The following CYP4F22 variants were observed in gnomAD, a reference collection of about 807,000 sequenced individuals.
The protein encoded by CYP4F22 is ultra-long-chain fatty acid omega-hydroxylase.
A neutral mutation model predicts 60.4 loss-of-function variants in CYP4F22; 37 were observed. The observed-to-expected ratio is 0.61, with a 90% CI of 0.47 to 0.81. The LOEUF (loss-of-function observed/expected upper bound fraction) is 0.81, where lower values mean the gene tolerates loss of function less well. Ranked by LOEUF, CYP4F22 falls within the 30% of genes least tolerant of loss-of-function variation. The probability of loss-of-function intolerance (pLI) is 0.00; values close to 1 mark genes in which losing one functional copy is unlikely to be tolerated. For synonymous variants in CYP4F22, 258 were observed against 280.5 expected, an observed-to-expected ratio of 0.92 and a Z score of 0.80; for missense variants, 655 against 715.0, an observed-to-expected ratio of 0.92 and a Z score of 0.96.
chr19:15,550,577 C>A (rs1971582992), intron 12 of CYP4F22, 97 bp from the exon 13 acceptor site: 1 of 1,236,608 alleles, frequency 8.1e-7, no homozygotes, highest in South Asian at 1.2e-5. Flanking sequence ...GGGTGCTCCC[C>A]ATCCATCTTT....
intron 4 of CYP4F22, among the ~76,000 whole-genome samples, chr19:15,530,297 G>A (rs901981750): frequency 3.9e-5 from 6 of 152,118 alleles, no homozygotes; most frequent in Admixed American, 1.3e-4. Context: ...CTTCTTCCTC[G>A]TGCAGTCCAC....
In CYP4F22 at chr19:15,535,249, T is replaced by C. The variant is rs1337652823; in HGVS notation, c.368-2112T>C. 2.6e-5 allele frequency among the ~76,000 whole-genome samples: 4 copies of C among 152,234 alleles called. No individual in the cohort carries two copies. In the East Asian group the frequency reaches 7.7e-4, roughly 29 times the overall value. On this transcript the variant is annotated intron_variant, in intron 4 of 13. Coordinates refer to ENST00000269703, the MANE Select transcript of CYP4F22 (RefSeq NM_173483.4). ...TCTTGGTAATTGCATGGTGTGTCTC[T>C]GCTTCCCTTTCCTGCCCCACTCAGG...
At chr19:15,522,468 A>G (rs1040613561) in intron 1 of CYP4F22, among the ~76,000 whole-genome samples, 7 of 152,012 alleles carry the variant, frequency 4.6e-5, no homozygotes, top group Admixed American at 4.6e-4. Context: ...TGAGCCTAGG[A>G]ATTTGAGATC....
At chr19:15,539,703 TACTC>T (rs1206170594) in intron 7 of CYP4F22, among the ~76,000 whole-genome samples, 1 of 152,236 alleles carries the variant, frequency 6.6e-6, no homozygotes, top group African/African-American at 2.4e-5. Context: ...TTTTTCCACA[TACTC>T]ACTAACACTT....
In CYP4F22 at chr19:15,550,699, C is replaced by T. The variant is rs980417941; in HGVS notation, c.1361C>T (p.Pro454Leu). Residue 454 changes from proline (P) to leucine (L), a missense_variant, in exon 13 of 14, where the codon CCG becomes CTG. Pro to Leu is a moderately conservative substitution (Grantham distance 98). This residue lies in a region of CYP4F22 where 151 missense variants were observed against 139.4 expected (regional missense o/e 1.08). Transcript: ENST00000269703. ...GTGTACAACCCCTACCGCTTTGACC[C>T]GGACAACCCACAGCAGCGCTCTCCA... ...SKVYNPYRFD[P>L]DNPQQRSPLA... The T allele has an allele frequency of 3.1e-6, 5 of 1,614,074 alleles. No individual in the cohort carries two copies. The highest frequency in any genetic ancestry group is 2.5e-6 in the Non-Finnish European group (3 of 1,180,050).
At chr19:15,517,055 A>G (rs1489386277) in intron 1 of CYP4F22, among the ~76,000 whole-genome samples, 7 of 152,120 alleles carry the variant, frequency 4.6e-5, no homozygotes, top group African/African-American at 1.7e-4. Flanking sequence ...TCCTGACCTC[A>G]GGCAATCCGC....
chr19:15,549,846 C>T (rs1480066179), intron 12 of CYP4F22, among the ~76,000 whole-genome samples: 4 of 151,328 alleles, frequency 2.6e-5, no homozygotes, highest in African/African-American at 9.7e-5. Flanking sequence ...TGCACATCTG[C>T]AGTGCCAGCC....
intron 8 of CYP4F22, among the ~76,000 whole-genome samples, chr19:15,543,757 T>C (rs1971489155): frequency 6.6e-6 from 1 of 150,844 alleles, no homozygotes; most frequent in Non-Finnish European, 1.5e-5. Context: ...TTCAGGAGGC[T>C]GAGGCACGAG....
chr19:15,508,944 G>A (rs913726472), intron 1 of CYP4F22, among the ~76,000 whole-genome samples: 1 of 152,108 alleles, frequency 6.6e-6, no homozygotes, highest in Non-Finnish European at 1.5e-5. Context: ...TCCCAGATGG[G>A]TTCAAGCCCC....
intron 1 of CYP4F22, among the ~76,000 whole-genome samples, chr19:15,523,378 A>C (rs1971246257): frequency 6.6e-6 from 1 of 151,976 alleles, no homozygotes; most frequent in African/African-American, 2.4e-5. Context: ...AAAACAAAAA[A>C]ACTCACAACA....
intron 8 of CYP4F22, among the ~76,000 whole-genome samples, chr19:15,540,979 G>T (rs2144533883): frequency 6.6e-6 from 1 of 152,352 alleles, no homozygotes; most frequent in South Asian, 2.1e-4. Flanking sequence ...TACTTGGGAG[G>T]CTGAAGCAGG....
chr19:15,519,703 G>A (rs1329141699), intron 1 of CYP4F22, among the ~76,000 whole-genome samples: 1 of 152,172 alleles, frequency 6.6e-6, no homozygotes, highest in African/African-American at 2.4e-5. Flanking sequence ...AAAGGGGATT[G>A]TGGTGGCTGG....
rs761743684 is a variant in CYP4F22, at chr19:15,550,688, C to T, written c.1350C>T (p.Tyr450=). ...VWPDSKVYNP[Y]RFDPDNPQQR... ...TTCCTCCCTAGGTGTACAACCCCTA[C>T]CGCTTTGACCCGGACAACCCACAGC... The change falls in exon 13 of 14, where the codon TAC becomes TAT. Residue 450 remains tyrosine (Y), a synonymous_variant. Transcript: ENST00000269703. The T allele has an allele frequency of 1.4e-5, 22 of 1,614,066 alleles. No individual in the cohort carries two copies. Among genetic ancestry groups the T allele is most frequent in the African/African-American group, 6.7e-5 (5 of 74,924 alleles).
intron 1 of CYP4F22, among the ~76,000 whole-genome samples, chr19:15,512,654 G>A (rs1971105197): frequency 6.6e-6 from 1 of 152,014 alleles, no homozygotes; most frequent in Non-Finnish European, 1.5e-5. Context: ...TGTTGCACAG[G>A]CTGGTCTCAA....
chr19:15,527,957 GC>G (rs1264469881), intron 3 of CYP4F22, among the ~76,000 whole-genome samples: 2 of 152,222 alleles, frequency 1.3e-5, no homozygotes, highest in African/African-American at 2.4e-5. Flanking sequence ...CTGACGTTGA[GC>G]CTGAAGCTTT....
chr19:15,513,700 C>G (rs986124000), intron 1 of CYP4F22, among the ~76,000 whole-genome samples: 1 of 151,910 alleles, frequency 6.6e-6, no homozygotes, highest in Non-Finnish European at 1.5e-5. Context: ...GGTGTTTCAC[C>G]GTGTTGTCCA....
intron 1 of CYP4F22, among the ~76,000 whole-genome samples, chr19:15,510,572 T>C (rs572921702): frequency 9.4e-4 from 143 of 152,284 alleles, no homozygotes; most frequent in African/African-American, 3.3e-3. Flanking sequence ...TGGCCACACT[T>C]GGGATGGTGG....
intron 3 of CYP4F22, among the ~76,000 whole-genome samples, chr19:15,528,475 C>T (rs944413432): frequency 1.5e-4 from 23 of 152,238 alleles, no homozygotes; most frequent in African/African-American, 5.5e-4. Context: ...CTCTGAGGTG[C>T]AATGCGCTAC....
chr19:15,545,759 A>G (rs930656203), intron 10 of CYP4F22, among the ~76,000 whole-genome samples: 1 of 151,384 alleles, frequency 6.6e-6, no homozygotes, highest in East Asian at 1.9e-4. Context: ...TTTCGGTTCT[A>G]TTTCAACCTT....
Sources: allele counts gnomAD v4.1 joint callset (sites outside exome capture counted in the v4.1 genomes callset), GRCh38; gene constraint gnomAD v4.1.1; regional missense constraint gnomAD v4.1.1; transcripts MANE v1.5; gene names NCBI Gene and HGNC (gene_info 2026-07-23, HGNC 2026-07-21).